GRID2: variants seen among roughly 807,000 people sequenced by gnomAD.
The protein encoded by GRID2 is glutamate receptor ionotropic, delta-2.
Under a neutral mutation model 114.8 loss-of-function variants are expected in GRID2, and 33 were observed. The observed-to-expected ratio is 0.29, with a 90% confidence interval of 0.22 to 0.38. The LOEUF (loss-of-function observed/expected upper bound fraction) is 0.38. Among genes scored for constraint, GRID2 ranks in the 10% least tolerant of loss-of-function variants. The pLI is 1.00. For missense variants in GRID2, 1,184 were observed against 1,257.7 expected (o/e 0.94, Z 0.89); for synonymous variants, 505 against 449.9 (o/e 1.12, Z -1.55).
At chr4:93,070,135 A>T (rs552143768) in intron 2 of GRID2, among the ~76,000 whole-genome samples, 1 of 152,274 alleles carries the variant, frequency 6.6e-6, no homozygotes, top group East Asian at 1.9e-4. Context: ...CTTGCACAAT[A>T]CTACTTATAA....
At chr4:92,564,758 G>A (rs926061725) in intron 1 of GRID2, among the ~76,000 whole-genome samples, 1 of 152,084 alleles carries the variant, frequency 6.6e-6, no homozygotes, top group East Asian at 1.9e-4. Context: ...ACATTACTTT[G>A]TGAAACATGT....
intron 2 of GRID2, among the ~76,000 whole-genome samples, chr4:92,594,210 G>A (rs1728843335): frequency 6.6e-6 from 1 of 151,642 alleles, no homozygotes; most frequent in African/African-American, 2.4e-5. Flanking sequence ...TGTATTATAG[G>A]ACTTCAGTAA....
At chr4:92,837,051 G>A (rs1490868457) in intron 2 of GRID2, among the ~76,000 whole-genome samples, 1 of 152,134 alleles carries the variant, frequency 6.6e-6, no homozygotes, top group Non-Finnish European at 1.5e-5. Context: ...GACTGTGAGA[G>A]TATTGCCAAG....
chr4:93,725,590 A>C (rs1244540182), intron 14 of GRID2, among the ~76,000 whole-genome samples: 3 of 151,086 alleles, frequency 2.0e-5, no homozygotes, highest in Admixed American at 2.0e-4. Flanking sequence ...ACTAGTTGAC[A>C]GTCCCACCAA....
intron 13 of GRID2, among the ~76,000 whole-genome samples, chr4:93,520,395 AAATAC>A (rs1242202613): frequency 6.6e-5 from 10 of 152,014 alleles, no homozygotes; most frequent in African/African-American, 2.4e-4. Context: ...GGAGGTTGGG[AAATAC>A]TTCTCTGAGA....
At chr4:92,520,373 G>GAC (rs2149139146) in intron 1 of GRID2, among the ~76,000 whole-genome samples, 1 of 129,052 alleles carries the variant, frequency 7.7e-6, no homozygotes, top group Admixed American at 8.0e-5. Context: ...TGAACATATT[G>GAC]ATAAAAAAAA....
chr4:93,212,875 C>T (rs767459511), intron 5 of GRID2, among the ~76,000 whole-genome samples: 20 of 151,592 alleles, frequency 1.3e-4, no homozygotes, highest in Non-Finnish European at 2.7e-4. Flanking sequence ...TGGGTTCAAG[C>T]GATTGTCCTG....
intron 13 of GRID2, among the ~76,000 whole-genome samples, chr4:93,600,956 G>T (rs1374977833): frequency 6.6e-6 from 1 of 152,202 alleles, no homozygotes; most frequent in African/African-American, 2.4e-5. Context: ...TGAAGCTCAA[G>T]AGCCAGCAAA....
intron 1 of GRID2, among the ~76,000 whole-genome samples, chr4:92,498,435 A>AT (rs1342379396): frequency 6.6e-6 from 1 of 151,966 alleles, no homozygotes; most frequent in Non-Finnish European, 1.5e-5. Flanking sequence ...AATTAAAGGC[A>AT]TTTATATTTA....
intron 14 of GRID2, among the ~76,000 whole-genome samples, chr4:93,677,235 C>A (rs923178660): frequency 1.3e-5 from 2 of 152,316 alleles, no homozygotes; most frequent in Admixed American, 6.5e-5. Flanking sequence ...GAGGGGCGCC[C>A]GCCATTGCCC....
In GRID2 at chr4:92,759,635, G is replaced by A. The variant is rs188696004; in HGVS notation, c.244+169349G>A. ...TTTTATTCTTTTCAGATGGAGTTTCGCTTTTGTTGCCCAGGCTGGAGTGCA... is the reference window on the plus strand; with the variant it reads ...TTTTATTCTTTTCAGATGGAGTTTCACTTTTGTTGCCCAGGCTGGAGTGCA... On this transcript the variant is annotated intron_variant, in intron 2 of 15. Transcript: ENST00000282020. Among the ~76,000 whole-genome samples the A allele has an allele frequency of 2.6e-3, 396 of 151,678 alleles. 1 individual carries two copies. Among genetic ancestry groups the A allele is most frequent in the African/African-American group, 8.8e-3 (366 of 41,372 alleles).
chr4:92,465,037 G>A (rs373880938), intron 1 of GRID2, among the ~76,000 whole-genome samples: 3 of 151,996 alleles, frequency 2.0e-5, no homozygotes, highest in East Asian at 1.9e-4. Flanking sequence ...CTTCCCCTTC[G>A]CCTTCCACCA....
chr4:92,903,519 A>G (rs1176854267), intron 2 of GRID2, among the ~76,000 whole-genome samples: 1 of 151,968 alleles, frequency 6.6e-6, no homozygotes, highest in Non-Finnish European at 1.5e-5. Flanking sequence ...GGAGGAACCC[A>G]CAGGAATAAA....
At chr4:92,729,356 A>G (rs536586853) in intron 2 of GRID2, among the ~76,000 whole-genome samples, 1 of 152,222 alleles carries the variant, frequency 6.6e-6, no homozygotes, top group East Asian at 1.9e-4. Flanking sequence ...ATATAACTAT[A>G]TTGGCAATAG....
intron 1 of GRID2, among the ~76,000 whole-genome samples, chr4:92,449,665 C>A (rs1443318385): frequency 4.1e-5 from 4 of 96,578 alleles, no homozygotes; most frequent in Non-Finnish European, 6.2e-5. Context: ...ATATGTCTAT[C>A]TTTTCTTACT....
At chr4:93,540,968 T>C (rs531783699) in intron 13 of GRID2, among the ~76,000 whole-genome samples, 2 of 152,276 alleles carry the variant, frequency 1.3e-5, no homozygotes, top group African/African-American at 4.8e-5. Context: ...AAATTCTCTA[T>C]TGGAATTTAC....
chr4:92,605,181 C>A (rs952629706), intron 2 of GRID2, among the ~76,000 whole-genome samples: 2 of 152,000 alleles, frequency 1.3e-5, no homozygotes, highest in African/African-American at 2.4e-5. Flanking sequence ...TTCTTTATAG[C>A]AGTATGAAAA....
At chr4:92,705,203 C>G (rs1404516302) in intron 2 of GRID2, among the ~76,000 whole-genome samples, 4 of 151,962 alleles carry the variant, frequency 2.6e-5, no homozygotes, top group Admixed American at 1.3e-4. Context: ...ATTTATTATT[C>G]TAAACCAAAA....
At chr4:93,703,249 G>C (rs896797624) in intron 14 of GRID2, among the ~76,000 whole-genome samples, 1 of 151,996 alleles carries the variant, frequency 6.6e-6, no homozygotes, top group Non-Finnish European at 1.5e-5. Flanking sequence ...GAATAGGAGA[G>C]ATCCATTATT....
Sources: allele counts gnomAD v4.1 joint callset (sites outside exome capture counted in the v4.1 genomes callset), GRCh38; gene constraint gnomAD v4.1.1; transcripts MANE v1.5; gene names NCBI Gene and HGNC (gene_info 2026-07-23, HGNC 2026-07-21).